FAM135A: variants seen among roughly 807,000 people sequenced by gnomAD.
FAM135A encodes protein FAM135A.
A neutral mutation model predicts 146.8 loss-of-function variants in FAM135A; 79 were observed. That is an observed-to-expected ratio of 0.54 (90% CI 0.45 to 0.65). The LOEUF is 0.65. Ranked by LOEUF, FAM135A falls within the 30% of genes least tolerant of loss-of-function variation. FAM135A has a pLI of 0.00. For missense variants in FAM135A, 1,623 were observed against 1,758.2 expected (o/e 0.92, Z 1.38); for synonymous variants, 562 against 603.6 (o/e 0.93, Z 1.01).
At chr6:70,422,351 T>C (rs1009909381) in intron 2 of FAM135A, among the ~76,000 whole-genome samples, 1 of 152,228 alleles carries the variant, frequency 6.6e-6, no homozygotes, top group Non-Finnish European at 1.5e-5. Flanking sequence ...TTTTTTTCCC[T>C]TGCTCTCTTT....
Position 70,525,651 on chromosome 6 carries a change from A to G in FAM135A, c.2567A>G (p.Lys856Arg). 1 of 1,612,804 alleles carries G rather than the reference A, an allele frequency of 6.2e-7. No homozygotes were observed. Among genetic ancestry groups the G allele is most frequent in the South Asian group, 1.1e-5 (1 of 90,806 alleles). The change falls in exon 15 of 22, where the codon AAG becomes AGG. Residue 856 changes from lysine to arginine, a missense_variant. Lys to Arg is a conservative substitution (Grantham distance 26). Around this residue, in one of 7 missense-constraint regions of FAM135A, gnomAD observed 1,061 missense variants for 1,113.8 expected, o/e 0.95. Coordinates refer to ENST00000418814, the MANE Select transcript of FAM135A (RefSeq NM_001162529.3). ...GAACTGTCACCTGATGAAAATTCTAAGAAATCTGTTGTACCTGAATGCCAT... is the reference window on the plus strand; with the variant it reads ...GAACTGTCACCTGATGAAAATTCTAGGAAATCTGTTGTACCTGAATGCCAT... The part of the protein sequence containing the change: ...DDELSPDENS[K>R]KSVVPECHLN...
chr6:70,418,054 AT>A (rs1484846507), intron 2 of FAM135A, among the ~76,000 whole-genome samples: 1 of 152,200 alleles, frequency 6.6e-6, no homozygotes, highest in African/African-American at 2.4e-5. Flanking sequence ...AATTCATGCA[AT>A]ATGGCATATG....
chr6:70,429,152 G>A (rs934159509), intron 4 of FAM135A, among the ~76,000 whole-genome samples: 8 of 152,118 alleles, frequency 5.3e-5, no homozygotes, highest in African/African-American at 1.7e-4. Context: ...TTGTAGAAGA[G>A]AACAGCATGA....
At chr6:70,448,200 T>G (rs1487266959) in intron 4 of FAM135A, among the ~76,000 whole-genome samples, 5 of 152,074 alleles carry the variant, frequency 3.3e-5, no homozygotes, top group Non-Finnish European at 7.4e-5. Flanking sequence ...ATCTGGAGGG[T>G]CAGGCCACTC....
Position 70,559,949 on chromosome 6 carries a change from A to G in FAM135A, c.*28A>G, listed in dbSNP as rs1159809921. 1.3e-6 allele frequency: 2 copies of G among 1,524,620 alleles called. No homozygotes were observed. The allele number at this position is 1,524,620 out of a possible 1,614,324, so 94.4% of individuals were successfully genotyped here. ...TAAAAGCATTGTTAGCGACTGGACA[A>G]TTACCTCATTCAACAATGTTTCAAA... is the stretch of plus-strand genomic sequence containing the variant. On this transcript the variant is annotated 3_prime_UTR_variant, in exon 22 of 22. Transcript: ENST00000418814.
At chr6:70,500,478 T>C (rs1271701877) in intron 11 of FAM135A, among the ~76,000 whole-genome samples, 1 of 152,190 alleles carries the variant, frequency 6.6e-6, no homozygotes, top group Non-Finnish European at 1.5e-5. Context: ...GAAGCCTCCT[T>C]CTGTCAATTC....
intron 4 of FAM135A, among the ~76,000 whole-genome samples, chr6:70,433,373 C>A (rs113350471): frequency 2.0e-5 from 3 of 152,016 alleles, no homozygotes. Flanking sequence ...CGCGCCCGGC[C>A]TTCAAGATAC....
chr6:70,480,760 A>G lies in FAM135A; in HGVS notation c.543-141A>G, dbSNP rs537764769. On this transcript the variant is annotated intron_variant, in intron 8 of 21. Coordinates refer to ENST00000418814, the MANE Select transcript of FAM135A (RefSeq NM_001162529.3). ...CATGATTATTCAAATTATTTTTTAA[A>G]ATTACTTTAGGAGTACTTTTGAACT... 4.8e-6 allele frequency: 3 copies of G among 627,718 alleles called. No homozygotes were observed. The South Asian group carries it at 1.5e-4, about 32-fold the overall frequency. The allele number at this position is 627,718 out of a possible 1,614,324, so 38.9% of individuals were successfully genotyped here.
At chr6:70,485,809 A>G (rs1007911551) in intron 10 of FAM135A, among the ~76,000 whole-genome samples, 2 of 152,180 alleles carry the variant, frequency 1.3e-5, no homozygotes, top group African/African-American at 2.4e-5. Flanking sequence ...CTCTTACTGA[A>G]CATGAGAGTC....
At chr6:70,552,017 A>G (rs1044190487) in intron 20 of FAM135A, among the ~76,000 whole-genome samples, 3 of 152,246 alleles carry the variant, frequency 2.0e-5, no homozygotes, top group Non-Finnish European at 4.4e-5. Flanking sequence ...ACCACCTTCA[A>G]TTTGTAAAAA....
rs367701011 is a variant in FAM135A, at chr6:70,481,982, A to G, written c.670-19A>G. 6 of 1,606,376 alleles carry G rather than the reference A, an allele frequency of 3.7e-6. No homozygotes were observed. In the African/African-American group the frequency reaches 5.4e-5, roughly 14 times the overall value. On this transcript the variant is annotated intron_variant, in intron 9 of 21. Transcript: ENST00000418814. ...TTGTATTACTGACACTCTGTATCCT[A>G]CATCTGTTTTTTGTTTAGGGTTGTA... is the stretch of plus-strand genomic sequence containing the variant.
intron 10 of FAM135A, among the ~76,000 whole-genome samples, chr6:70,484,510 T>C (rs1053335581): frequency 6.6e-6 from 1 of 152,188 alleles, no homozygotes; most frequent in African/African-American, 2.4e-5. Flanking sequence ...CCCCAACTTT[T>C]TTGGCACCAG....
In FAM135A at chr6:70,525,008, G is replaced by A. The variant is rs143933789; in HGVS notation, c.1924G>A (p.Asp642Asn). ...HNLASRRSSDDCHDHQTTPSL... is the reference protein window; with the variant it reads ...HNLASRRSSDNCHDHQTTPSL... Reference sequence around the variant, plus strand: ...TCTGGCATCCAGAAGGTCATCAGACGATTGCCATGATCATCAAACAACCCC... The same window carrying A: ...TCTGGCATCCAGAAGGTCATCAGACAATTGCCATGATCATCAAACAACCCC... The change falls in exon 15 of 22, where the codon GAT becomes AAT. Residue 642 changes from aspartate to asparagine, a missense_variant. Coordinates refer to ENST00000418814, the MANE Select transcript of FAM135A (RefSeq NM_001162529.3). 1.1e-4 allele frequency: 168 copies of A among 1,599,390 alleles called. No homozygotes were observed. The highest frequency in any genetic ancestry group is 1.7e-4 in the Middle Eastern group (1 of 5,984).
intron 5 of FAM135A, among the ~76,000 whole-genome samples, chr6:70,465,051 C>T (rs532828912): frequency 2.6e-5 from 4 of 151,822 alleles, no homozygotes; most frequent in African/African-American, 9.7e-5. Context: ...TTTTCCTACC[C>T]CCTGTCAACC....
In FAM135A at chr6:70,525,468, A is replaced by C. The variant is rs1397596139; in HGVS notation, c.2384A>C (p.Gln795Pro). 2 of 1,612,832 alleles carry C rather than the reference A, an allele frequency of 1.2e-6. No individual in the cohort carries two copies. Among genetic ancestry groups the C allele is most frequent in the Admixed American group, 3.3e-5 (2 of 59,858 alleles). The change falls in exon 15 of 22, where the codon CAA (glutamine) becomes CCA (proline). Residue 795 changes from glutamine to proline, a missense_variant. Coordinates refer to ENST00000418814, the MANE Select transcript of FAM135A (RefSeq NM_001162529.3). Reference sequence around the variant, plus strand: ...TTAGTCTTTGAAACTGTGCAAGGGCAAGGTCCTTGCAATAGTGAAAGATTA... The same window carrying C: ...TTAGTCTTTGAAACTGTGCAAGGGCCAGGTCCTTGCAATAGTGAAAGATTA... ...TDLVFETVQG[Q>P]GPCNSERLFP...
At chr6:70,508,880 G>A (rs59760243) in intron 12 of FAM135A, among the ~76,000 whole-genome samples, 7,014 of 152,146 alleles carry the variant, frequency 0.046, 352 homozygotes, top group African/African-American at 0.11. Flanking sequence ...AGGTTTAATT[G>A]TGTTTTACAT....
At position 70,448,030 on chromosome 6, in the gene FAM135A, C is replaced by T. The variant is rs139626209; in HGVS notation, c.78-4462C>T. Among the ~76,000 whole-genome samples, 475 of 152,190 alleles carry T rather than the reference C, an allele frequency of 3.1e-3. 3 individuals carry two copies. Among genetic ancestry groups the T allele is most frequent in the African/African-American group, 0.011 (449 of 41,538 alleles). On this transcript the variant is annotated intron_variant, in intron 4 of 21. Coordinates refer to ENST00000418814, the MANE Select transcript of FAM135A (RefSeq NM_001162529.3). ...GCTATAATATTTCCCTGTTGATCTG[C>T]GGGGTGTATTCTAACAGGGAACTGC...
In FAM135A at chr6:70,426,536, A is replaced by G. The variant is rs932145259; in HGVS notation, c.-40+4A>G. ...AATGAGGCTTTGAAAAGCAGAGGTA[A>G]GAATATAACTTTTTTGCACTTAATT... On this transcript the variant is annotated splice_donor_region_variant and intron_variant, in intron 3 of 21. Coordinates refer to ENST00000418814, the MANE Select transcript of FAM135A (RefSeq NM_001162529.3). 1.3e-5 allele frequency: 2 copies of G among 152,210 alleles called. No individual in the cohort carries two copies. The highest frequency in any genetic ancestry group is 2.9e-5 in the Non-Finnish European group (2 of 68,034). 9.4% of individuals were successfully genotyped at this position (152,210 alleles called of 1,614,324 possible).
chr6:70,524,479 C>T lies in FAM135A; in HGVS notation c.1395C>T (p.Ser465=). Residue 465 remains serine, a synonymous_variant, in exon 15 of 22, where the codon TCC becomes TCT. Coordinates refer to ENST00000418814, the MANE Select transcript of FAM135A (RefSeq NM_001162529.3). ...PELKVRPAGA[S]SIWYTEGEKQ... is the part of the protein sequence containing the mutation. ...TGAAAGTCAGACCTGCTGGTGCCTC[C>T]AGTATTTGGTATACAGAAGGTGAAA... The T allele has an allele frequency of 1.3e-6, 2 of 1,551,068 alleles. No homozygotes were observed. Among genetic ancestry groups the T allele is most frequent in the Admixed American group, 2.0e-5 (1 of 50,926 alleles).
Sources: allele counts gnomAD v4.1 joint callset (sites outside exome capture counted in the v4.1 genomes callset), GRCh38; gene constraint gnomAD v4.1.1; regional missense constraint gnomAD v4.1.1; transcripts MANE v1.5; gene names NCBI Gene and HGNC (gene_info 2026-07-23, HGNC 2026-07-21).